MBTPS2: variants seen among roughly 807,000 people sequenced by gnomAD.
The protein encoded by MBTPS2 is membrane-bound transcription factor site-2 protease.
MBTPS2 carries 2 observed loss-of-function variants against 35.4 expected under a neutral mutation model. The observed-to-expected ratio is 0.06, with a 90% confidence interval of 0.02 to 0.18. The LOEUF (loss-of-function observed/expected upper bound fraction) is 0.18. MBTPS2 is among the 10% of genes least tolerant of loss of function. The pLI is 1.00. For synonymous variants in MBTPS2, 125 were observed against 140.4 expected (o/e 0.89, Z 0.77); for missense variants, 244 against 386.5 (o/e 0.63, Z 3.09).
rs111591468 is a variant in MBTPS2, at chrX:21,856,413, C to T, written c.670+2910C>T. 147 of 1,115,316 alleles carry T rather than the reference C, an allele frequency of 1.3e-4. No homozygotes were observed. The African/African-American group carries it at 2.1e-3, about 16-fold the overall frequency. The allele number at this position is 1,115,316 out of a possible 1,213,427, so 91.9% of individuals were successfully genotyped here. Reference sequence around the variant, plus strand: ...GCAGCTCGCCCCTTCCTCTGCAGCTCCCACCTCACTCCCCTCAGCGTTCTT... The same window carrying T: ...GCAGCTCGCCCCTTCCTCTGCAGCTTCCACCTCACTCCCCTCAGCGTTCTT... On this transcript the variant is annotated intron_variant, in intron 5 of 10. Coordinates refer to ENST00000379484, the MANE Select transcript of MBTPS2 (RefSeq NM_015884.4).
At position 21,883,773 on chromosome X, in the gene MBTPS2, G is replaced by C. The variant is rs1602156259; in HGVS notation, c.*1118G>C. ...GGTAGTATAGTGAGAATGGCTATACGTGAGTACAAACGTGGATTTTCCAGG... is the reference window on the plus strand; with the variant it reads ...GGTAGTATAGTGAGAATGGCTATACCTGAGTACAAACGTGGATTTTCCAGG... On this transcript the variant is annotated 3_prime_UTR_variant, in exon 11 of 11. Transcript: ENST00000379484. The C allele has an allele frequency of 3.3e-5, 25 of 751,714 alleles. No individual in the cohort carries two copies. The highest frequency in any genetic ancestry group is 6.9e-5 in the South Asian group (1 of 14,579). 61.9% of individuals were successfully genotyped at this position (751,714 alleles called of 1,213,427 possible). A position where few individuals can be genotyped will look rare whatever the true frequency, so the allele number is the denominator to read the frequency against.
At position 21,884,783 on chromosome X, in the gene MBTPS2, T is replaced by C. The variant is rs2092962902; in HGVS notation, c.*2128T>C. 1.5e-6 allele frequency: 1 copy of C among 664,859 alleles called. No homozygotes were observed. The highest frequency in any genetic ancestry group is 1.8e-6 in the Non-Finnish European group (1 of 558,914). The allele number at this position is 664,859 out of a possible 1,213,427, so 54.8% of individuals were successfully genotyped here. On this transcript the variant is annotated 3_prime_UTR_variant, in exon 11 of 11. Transcript: ENST00000379484. ...ATGCAGTTGAATGGATAATGATTAG[T>C]GTTATTTATGGATTAGAAAAAGCAT... is the stretch of plus-strand genomic sequence containing the variant.
intron 5 of MBTPS2, chrX:21,856,024 T>A (rs908475030): frequency 1.6e-5 from 2 of 123,400 alleles, no homozygotes; most frequent in Admixed American, 8.7e-5. Context: ...GAGTAGGCTT[T>A]TTTGGCAGAT....
intron 1 of MBTPS2, chrX:21,841,965 G>A (rs2092903112): frequency 9.0e-6 from 1 of 111,689 alleles, no homozygotes; most frequent in African/African-American, 3.3e-5. Flanking sequence ...TCCAAGTCTT[G>A]GAAAACAAGT....
chrX:21,878,276 T>G, intron 8 of MBTPS2, 140 bp downstream of exon 8: 1 of 524,123 alleles, frequency 1.9e-6, no homozygotes, highest in Non-Finnish European at 3.2e-6. Flanking sequence ...ATTTCACATG[T>G]CACATTTCAT....
intron 1 of MBTPS2, chrX:21,842,034 A>C (rs1371393005): frequency 8.9e-6 from 1 of 112,327 alleles, no homozygotes; most frequent in Non-Finnish European, 1.9e-5. Flanking sequence ...ATCCAAAGCA[A>C]ACAGCTACCT....
rs1440288306 is a variant in MBTPS2 at position 21,861,075 on chromosome X, C to A, written c.671-7392C>A. Among the ~76,000 whole-genome samples the A allele has an allele frequency of 3.6e-5, 4 of 111,627 alleles. No homozygotes were observed. The East Asian group carries it at 1.1e-3, about 31-fold the overall frequency. On this transcript the variant is annotated intron_variant, in intron 5 of 10. Coordinates refer to ENST00000379484, the MANE Select transcript of MBTPS2 (RefSeq NM_015884.4). ...TATAGATTATAAATAATAGCATATA[C>A]AAATTAGTAAATTAATAAGACAACT...
chrX:21,860,133 G>C (rs2092929616), intron 5 of MBTPS2, among the ~76,000 whole-genome samples: 1 of 111,010 alleles, frequency 9.0e-6, no homozygotes, highest in Non-Finnish European at 1.9e-5. Flanking sequence ...GAGGGGCTGG[G>C]CGCAGGGCTC....
intron 5 of MBTPS2, among the ~76,000 whole-genome samples, chrX:21,862,841 C>CAT (rs370149032): frequency 1.2e-3 from 101 of 85,429 alleles, no homozygotes; most frequent in African/African-American, 1.3e-3. Flanking sequence ...ATATAAAAAA[C>CAT]ATATATATAT....
intron 3 of MBTPS2, among the ~76,000 whole-genome samples, chrX:21,848,635 G>A (rs1349994284): frequency 1.8e-5 from 2 of 109,016 alleles, no homozygotes; most frequent in African/African-American, 3.3e-5. Flanking sequence ...AGCCGAGATC[G>A]CGCGACTGCA....
Position 21,878,649 on chromosome X carries a change from T to G in MBTPS2, c.1218T>G (p.Ile406Met). The G allele has an allele frequency of 8.3e-7, 1 of 1,207,768 alleles. No individual in the cohort carries two copies. Among genetic ancestry groups the G allele is most frequent in the South Asian group, 1.8e-5 (1 of 56,794 alleles). The change falls in exon 9 of 11, where the codon ATT becomes ATG. Residue 406 changes from isoleucine (I) to methionine (M), a missense_variant. Ile to Met is a conservative substitution (Grantham distance 10). Coordinates refer to ENST00000379484, the MANE Select transcript of MBTPS2 (RefSeq NM_015884.4). ...RLIKVKHPPQIDMLYVGHPLH... is the reference protein window; with the variant it reads ...RLIKVKHPPQMDMLYVGHPLH... ...TAAAAGTAAAACACCCACCTCAGAT[T>G]GATATGTTATACGTAGGACATCCTC...
At chrX:21,858,558 G>A (rs1403625161) in intron 5 of MBTPS2, 1 of 122,929 alleles carries the variant, frequency 8.1e-6, no homozygotes, top group Non-Finnish European at 1.9e-5. Flanking sequence ...ATCCTACAAT[G>A]CACAGACAGC....
In MBTPS2 at chrX:21,884,552, T is replaced by C. The variant is rs1004717655; in HGVS notation, c.*1897T>C. On this transcript the variant is annotated 3_prime_UTR_variant, in exon 11 of 11. Coordinates refer to ENST00000379484, the MANE Select transcript of MBTPS2 (RefSeq NM_015884.4). ...TTCAACTGTTAAACATTTTGATCTG[T>C]TGACCCATAGGATCAGGATTTGGGA... The C allele has an allele frequency of 6.1e-5, 46 of 752,748 alleles. No individual in the cohort carries two copies. Among genetic ancestry groups the C allele is most frequent in the East Asian group, 1.5e-4 (1 of 6,638 alleles). 62.0% of individuals were successfully genotyped at this position (752,748 alleles called of 1,213,427 possible).
In MBTPS2 at chrX:21,860,106, A is replaced by AG. The variant is rs2147441051; in HGVS notation, c.670+6603_670+6604insG. 3.8e-5 allele frequency among the ~76,000 whole-genome samples: 4 copies of AG among 104,180 alleles called. No individual in the cohort carries two copies. The South Asian group carries it at 1.4e-3, about 35-fold the overall frequency. 90.5% of individuals were successfully genotyped at this position (104,180 alleles called of 115,157 possible). ...GACCTTGTGTCAAAAAAAAAAAAAAAAAGAGAAAAAGGGGCAGAGGGGCTG... is the reference window on the plus strand; with the variant it reads ...GACCTTGTGTCAAAAAAAAAAAAAAAGAAGAGAAAAAGGGGCAGAGGGGCTG... On this transcript the variant is annotated intron_variant, in intron 5 of 10. Transcript: ENST00000379484.
At chrX:21,852,369 A>C (rs1214074678) in intron 4 of MBTPS2, among the ~76,000 whole-genome samples, 2 of 111,910 alleles carry the variant, frequency 1.8e-5, no homozygotes, top group African/African-American at 6.5e-5. Context: ...TTGGCAGAGA[A>C]GATGTAATCA....
At chrX:21,877,093 A>G (rs967705685) in intron 7 of MBTPS2, among the ~76,000 whole-genome samples, 2 of 112,131 alleles carry the variant, frequency 1.8e-5, no homozygotes, top group African/African-American at 6.5e-5. Flanking sequence ...CCACCTTATA[A>G]GTGAAGTAGA....
intron 7 of MBTPS2, 39 bp downstream of exon 7, chrX:21,869,717 A>G (rs752946371): frequency 1.0e-6 from 1 of 1,001,210 alleles, no homozygotes; most frequent in South Asian, 1.9e-5. Flanking sequence ...TGCTTCAAGC[A>G]CCAGTACCTG....
In MBTPS2 at chrX:21,845,438, C is replaced by T. The variant is rs1330990456; in HGVS notation, c.438+54C>T. On this transcript the variant is annotated intron_variant, in intron 3 of 10. Coordinates refer to ENST00000379484, the MANE Select transcript of MBTPS2 (RefSeq NM_015884.4). ...CTATCGAAATAGAGATGCAAGATAC[C>T]ACTTATGATCTAGTGTAACTCCTAT... 5 of 1,068,343 alleles carry T rather than the reference C, an allele frequency of 4.7e-6. No homozygotes were observed. In the African/African-American group the frequency reaches 9.3e-5, roughly 20 times the overall value. 88.0% of individuals were successfully genotyped at this position (1,068,343 alleles called of 1,213,427 possible). A position where few individuals can be genotyped will look rare whatever the true frequency, so the allele number is the denominator to read the frequency against.
At chrX:21,882,265 A>AT (rs773549066) in intron 10 of MBTPS2, among the ~76,000 whole-genome samples, 168 bp from the exon 11 acceptor site, 2 of 109,132 alleles carry the variant, frequency 1.8e-5, no homozygotes, top group East Asian at 2.9e-4. Context: ...ATATAAACTC[A>AT]TTTTTTTTAA....
Sources: gnomAD v4.1 joint callset for allele counts (sites outside exome capture counted in the v4.1 genomes callset) on GRCh38, gnomAD v4.1.1 for gene constraint, MANE v1.5 for transcripts, NCBI Gene and HGNC (gene_info 2026-07-23, HGNC 2026-07-21) for gene names.